RGL1: variants seen among roughly 807,000 people sequenced by gnomAD.
RGL1 encodes ral guanine nucleotide dissociation stimulator like 1.
A neutral mutation model predicts 95.2 loss-of-function variants in RGL1; 24 were observed. The ratio of observed to expected loss-of-function variants is 0.25; its 90% confidence interval spans 0.18 to 0.35. RGL1 has a LOEUF of 0.35. Among genes scored for constraint, RGL1 ranks in the 10% least tolerant of loss-of-function variants. The pLI, the probability that RGL1 is intolerant of heterozygous loss-of-function variation, is 1.00. For missense variants in RGL1, 715 were observed against 936.3 expected (o/e 0.76, Z 3.08); for synonymous variants, 329 against 344.9 (o/e 0.95, Z 0.51).
At chr1:183,648,857 C>G in intron 1 of RGL1, 1 of 1,193,200 alleles carries the variant, frequency 8.4e-7, no homozygotes, top group Non-Finnish European at 1.2e-6. Context: ...GCAGGAAAAA[C>G]TGAAGACAGT....
intron 3 of RGL1, among the ~76,000 whole-genome samples, chr1:183,856,681 A>G (rs1274670194): frequency 1.3e-5 from 2 of 150,850 alleles, no homozygotes; most frequent in Non-Finnish European, 3.0e-5. Flanking sequence ...AAAAAGGTAG[A>G]TTGCTGAAAG....
chr1:183,922,942 C>CT (rs970593546), intron 17 of RGL1, among the ~76,000 whole-genome samples: 3 of 152,072 alleles, frequency 2.0e-5, no homozygotes, highest in Non-Finnish European at 4.4e-5. Context: ...TTATGAAATA[C>CT]TTTTTGGGGG....
At chr1:183,893,489 G>C (rs1667533754) in intron 9 of RGL1, among the ~76,000 whole-genome samples, 1 of 152,190 alleles carries the variant, frequency 6.6e-6, no homozygotes. Context: ...AATAAATAGA[G>C]AATAAGCTGC....
chr1:183,645,150 G>A (rs1650198253), intron 1 of RGL1, among the ~76,000 whole-genome samples: 1 of 152,202 alleles, frequency 6.6e-6, no homozygotes, highest in African/African-American at 2.4e-5. Context: ...GGCTTGCTAT[G>A]TAGCTTATCT....
rs573224733 is a variant in RGL1, at chr1:183,744,872, A to G, written c.132+2583A>G. ...ACATTTTTCCTCGTGAACATATGCT[A>G]GAGTTTTTTCTAGCATAGACACCTG... On this transcript the variant is annotated intron_variant, in intron 2 of 18. Transcript: ENST00000304685. Among the ~76,000 whole-genome samples, 28 of 152,316 alleles carry G rather than the reference A, an allele frequency of 1.8e-4. 2 individuals carry two copies. The South Asian group carries it at 5.8e-3, about 32-fold the overall frequency.
rs555393488 is a variant in RGL1 at position 183,704,469 on chromosome 1, G to C, written c.-32-37657G>C. On this transcript the variant is annotated intron_variant, in intron 1 of 18. Coordinates refer to the RGL1 transcript ENST00000304685. ...GAGCATATTGGCTTCAATAGTGTGT[G>C]GGGGGTGACACTATAAAATAGCCAG... 4.6e-5 allele frequency among the ~76,000 whole-genome samples: 7 copies of C among 152,248 alleles called. No individual in the cohort carries two copies. The East Asian group carries it at 9.6e-4, about 21-fold the overall frequency.
At chr1:183,869,651 T>G (rs748994254) in intron 4 of RGL1, among the ~76,000 whole-genome samples, 2 of 152,212 alleles carry the variant, frequency 1.3e-5, no homozygotes, top group Non-Finnish European at 2.9e-5. Flanking sequence ...TTTATTGTTT[T>G]TCATCTCACT....
chr1:183,777,235 T>C (rs1373894772), intron 2 of RGL1, among the ~76,000 whole-genome samples: 1 of 152,370 alleles, frequency 6.6e-6, no homozygotes, highest in Non-Finnish European at 1.5e-5. Context: ...AAGTTAACTT[T>C]ATCTTAATTT....
chr1:183,663,898 T>A (rs1011619939), intron 1 of RGL1, among the ~76,000 whole-genome samples: 14 of 150,856 alleles, frequency 9.3e-5, no homozygotes, highest in Non-Finnish European at 1.9e-4. Flanking sequence ...AAATGATGAG[T>A]TCATGTCCTT....
At position 183,637,024 on chromosome 1, in the gene RGL1, G is replaced by A. The variant is rs17489328; in HGVS notation, c.-33+523G>A. ...TGTGTTGAAAAGAGCACTAGGCTTA[G>A]AATCAGAAAACTCAGGCTTAAGTGT... is the stretch of plus-strand genomic sequence containing the variant. On this transcript the variant is annotated intron_variant, in intron 1 of 18. Coordinates refer to the RGL1 transcript ENST00000304685. 8.9e-3 allele frequency among the ~76,000 whole-genome samples: 1,348 copies of A among 152,306 alleles called. 13 individuals are homozygous for A. The highest frequency in any genetic ancestry group is 0.027 in the Middle Eastern group (8 of 294).
intron 1 of RGL1, among the ~76,000 whole-genome samples, chr1:183,703,616 A>G (rs758054707): frequency 6.6e-6 from 1 of 152,208 alleles, no homozygotes; most frequent in Non-Finnish European, 1.5e-5. Context: ...TAAGACAACA[A>G]TTGGAGATAT....
chr1:183,857,050 C>T (rs572083493), intron 3 of RGL1, among the ~76,000 whole-genome samples: 2 of 152,300 alleles, frequency 1.3e-5, no homozygotes, highest in South Asian at 2.1e-4. Context: ...ATTAAGGTTA[C>T]TAATCAGCTG....
chr1:183,888,160 C>G (rs368133766), intron 7 of RGL1, among the ~76,000 whole-genome samples: 3 of 152,150 alleles, frequency 2.0e-5, no homozygotes, highest in African/African-American at 7.2e-5. Flanking sequence ...GAAAGTTGCT[C>G]TTTCTAGCAT....
chr1:183,670,195 A>G (rs1426135136), intron 1 of RGL1, among the ~76,000 whole-genome samples: 1 of 152,074 alleles, frequency 6.6e-6, no homozygotes, highest in Non-Finnish European at 1.5e-5. Context: ...AATGACTTAG[A>G]AGGGGTTGGA....
At chr1:183,663,579 A>G (rs1371388203) in intron 1 of RGL1, among the ~76,000 whole-genome samples, 4 of 152,048 alleles carry the variant, frequency 2.6e-5, no homozygotes, top group Non-Finnish European at 4.4e-5. Context: ...GCTGGAGAGG[A>G]TGTGGAGAAA....
chr1:183,781,186 A>G (rs943156669), intron 2 of RGL1, among the ~76,000 whole-genome samples: 2 of 152,182 alleles, frequency 1.3e-5, no homozygotes, highest in Admixed American at 6.5e-5. Flanking sequence ...ATCAAATTCA[A>G]TTGAAAACCC....
intron 2 of RGL1, among the ~76,000 whole-genome samples, chr1:183,828,926 A>G (rs759586303): frequency 3.3e-5 from 5 of 152,194 alleles, no homozygotes; most frequent in Non-Finnish European, 5.9e-5. Context: ...AGAGGAGAAT[A>G]ATAACACTGT....
At chr1:183,849,482 AGTTTTTTTTT>A (rs1664677449) in intron 3 of RGL1, among the ~76,000 whole-genome samples, 1 of 99,360 alleles carries the variant, frequency 1.0e-5, no homozygotes, top group South Asian at 3.5e-4. Context: ...TCCAGTTTTT[AGTTTTTTTTT>A]TTTTTTTTTT....
At chr1:183,706,622 C>G (rs931705660) in intron 1 of RGL1, among the ~76,000 whole-genome samples, 3 of 152,196 alleles carry the variant, frequency 2.0e-5, no homozygotes, top group African/African-American at 7.2e-5. Context: ...TGGGTTTGGG[C>G]ATTGTCTGGA....
Sources: gnomAD v4.1 joint callset for allele counts (sites outside exome capture counted in the v4.1 genomes callset) on GRCh38, gnomAD v4.1.1 for gene constraint, MANE v1.5 for transcripts, NCBI Gene and HGNC (gene_info 2026-07-23, HGNC 2026-07-21) for gene names.